Variants in ANK2 observed in about 807,000 individuals in gnomAD.
ANK2 encodes the protein ankyrin 2, also known as ankyrin-2.
Under a neutral mutation model 360.5 loss-of-function variants are expected in ANK2, and 83 were observed. That is an observed-to-expected ratio of 0.23 (90% CI 0.19 to 0.28). The LOEUF (loss-of-function observed/expected upper bound fraction) is 0.28, where lower values mean the gene tolerates loss of function less well. Among genes scored for constraint, ANK2 ranks in the 10% least tolerant of loss-of-function variants. ANK2 has a pLI of 1.00. For synonymous variants in ANK2, 1,740 were observed against 1,759.5 expected (o/e 0.99, Z 0.28); for missense variants, 4,201 against 4,795.7 (o/e 0.88, Z 3.66).
chr4:113,086,802 C>T (rs1159902984), intron 1 of ANK2, among the ~76,000 whole-genome samples: 1 of 152,088 alleles, frequency 6.6e-6, no homozygotes, highest in African/African-American at 2.4e-5. Context: ...AGGGTAAGTC[C>T]ATTCCTGACA....
intron 11 of ANK2, among the ~76,000 whole-genome samples, chr4:113,256,465 G>A (rs569890318): frequency 1.1e-4 from 16 of 152,102 alleles, no homozygotes; most frequent in Non-Finnish European, 1.5e-4. Context: ...AGTGTGTTAC[G>A]GCTTCAGGGA....
the ANK2 span, among the ~76,000 whole-genome samples, chr4:112,795,143 T>C: frequency 1.3e-5 from 2 of 152,180 alleles, no homozygotes; most frequent in Non-Finnish European, 2.9e-5. Context: ...CACTGGACAA[T>C]CCCAGAAGCC....
rs770609178 is a variant in ANK2 at position 113,357,055 on chromosome 4, G to C, written c.8437G>C (p.Ala2813Pro). Residue 2813 changes from alanine (A) to proline (P), a missense_variant, in exon 38 of 46, where the codon GCT becomes CCT. Around this residue, in one of 4 missense-constraint regions of ANK2, gnomAD observed 2,642 missense variants for 2,714.5 expected, o/e 0.97. Transcript: ENST00000357077. The part of the protein sequence containing the change: ...EQPVIYKESL[A>P]LQGTHEKDTE... ...GCCAGTCATCTATAAAGAATCATTA[G>C]CTCTCCAAGGCACTCATGAAAAAGA... The C allele has an allele frequency of 1.9e-6, 3 of 1,613,998 alleles. No individual in the cohort carries two copies. The highest frequency in any genetic ancestry group is 2.2e-5 in the South Asian group (2 of 91,064).
chr4:112,937,900 C>T (rs2093891995), intron 2 of ANK2, among the ~76,000 whole-genome samples: 1 of 152,152 alleles, frequency 6.6e-6, no homozygotes, highest in Admixed American at 6.5e-5. Context: ...CAAGTTATTC[C>T]ATCTTTTTAT....
chr4:112,970,345 CTAAT>C (rs1323047334), intron 2 of ANK2, among the ~76,000 whole-genome samples: 18 of 151,808 alleles, frequency 1.2e-4, no homozygotes, highest in South Asian at 6.3e-4. Context: ...TTCATTTTAA[CTAAT>C]TAATTAATTA....
At chr4:113,297,259 TC>T (rs1274029445) in intron 22 of ANK2, among the ~76,000 whole-genome samples, 2 of 152,160 alleles carry the variant, frequency 1.3e-5, no homozygotes, top group Non-Finnish European at 2.9e-5. Context: ...CATTTTGGCC[TC>T]CCAAAATGAT....
intron 1 of ANK2, among the ~76,000 whole-genome samples, chr4:113,143,725 A>T (rs1446812435): frequency 6.6e-6 from 1 of 152,146 alleles, no homozygotes; most frequent in African/African-American, 2.4e-5. Flanking sequence ...TGGACCACAG[A>T]CCTTCTCCAA....
At chr4:113,276,131 C>T (rs575814199) in intron 15 of ANK2, among the ~76,000 whole-genome samples, 3 of 151,812 alleles carry the variant, frequency 2.0e-5, no homozygotes, top group African/African-American at 4.8e-5. Context: ...TTAGTAGAGA[C>T]GGGGTTTCAC....
intron 1 of ANK2, among the ~76,000 whole-genome samples, chr4:113,141,636 C>T (rs1277394289): frequency 6.6e-6 from 1 of 152,224 alleles, no homozygotes; most frequent in Admixed American, 6.5e-5. Flanking sequence ...CAAAACTTCA[C>T]TTCAGGAGTT....
intron 29 of ANK2, among the ~76,000 whole-genome samples, chr4:113,335,506 C>T (rs28403256): frequency 1.6e-3 from 245 of 152,302 alleles, no homozygotes; most frequent in African/African-American, 5.5e-3. Flanking sequence ...GAATAGAACA[C>T]GTTCATTTCA....
intron 1 of ANK2, among the ~76,000 whole-genome samples, chr4:113,114,598 G>A (rs2094582978): frequency 6.6e-6 from 1 of 152,002 alleles, no homozygotes; most frequent in African/African-American, 2.4e-5. Context: ...TTTAAAAAAT[G>A]TGTAAAAATG....
the ANK2 span, among the ~76,000 whole-genome samples, chr4:112,812,858 T>G: frequency 6.6e-6 from 1 of 152,180 alleles, no homozygotes; most frequent in Admixed American, 6.5e-5. Context: ...TAAGCTCATC[T>G]TATACATTCT....
At chr4:113,325,115 T>C (rs994091410) in intron 26 of ANK2, among the ~76,000 whole-genome samples, 2 of 152,226 alleles carry the variant, frequency 1.3e-5, no homozygotes, top group Non-Finnish European at 2.9e-5. Flanking sequence ...CTTTGCATGA[T>C]TGCTGAATTT....
intron 2 of ANK2, among the ~76,000 whole-genome samples, chr4:112,934,296 C>T (rs1240418114): frequency 6.6e-6 from 1 of 152,134 alleles, no homozygotes; most frequent in Non-Finnish European, 1.5e-5. Flanking sequence ...ACTGCAGAGC[C>T]GTGCTAAGGT....
rs1182264095 is a variant in ANK2, at chr4:113,354,266, C to A, written c.5648C>A (p.Pro1883His). ...SKTEKHSPVS[P>H]STKTERHSPV... Reference sequence around the variant, plus strand: ...ACTGAGAAACACTCACCTGTATCACCCTCGACAAAAACTGAAAGGCACTCT... The same window carrying A: ...ACTGAGAAACACTCACCTGTATCACACTCGACAAAAACTGAAAGGCACTCT... The change falls in exon 38 of 46, where the codon CCC becomes CAC. Residue 1883 changes from proline to histidine, a missense_variant. Physicochemically the swap from Pro to His is moderately conservative, Grantham distance 77 (BLOSUM62 -2). Coordinates refer to ENST00000357077, the MANE Select transcript of ANK2 (RefSeq NM_001148.6). 18 of 1,614,042 alleles carry A rather than the reference C, an allele frequency of 1.1e-5. No homozygotes were observed. The highest frequency in any genetic ancestry group is 1.4e-5 in the Non-Finnish European group (17 of 1,180,010).
chr4:112,846,688 CT>C (rs1363038913), intron 1 of ANK2, among the ~76,000 whole-genome samples: 3 of 152,106 alleles, frequency 2.0e-5, no homozygotes, highest in Non-Finnish European at 4.4e-5. Context: ...CTTTAAGTTT[CT>C]TTTCTTCTTT....
At chr4:113,038,204 A>G (rs546431133) in intron 2 of ANK2, among the ~76,000 whole-genome samples, 1 of 152,162 alleles carries the variant, frequency 6.6e-6, no homozygotes, top group Admixed American at 6.6e-5. Flanking sequence ...GTTCAAAAAA[A>G]GCTGCACTGT....
chr4:112,928,486 G>GGC (rs2092824411), intron 2 of ANK2, among the ~76,000 whole-genome samples: 1 of 152,038 alleles, frequency 6.6e-6, no homozygotes, highest in African/African-American at 2.4e-5. Context: ...TGGCTGAACT[G>GGC]TGTCTTCTCT....
chr4:113,336,049 G>A lies in ANK2; in HGVS notation c.3583G>A (p.Gly1195Ser), dbSNP rs2153959616. The A allele has an allele frequency of 6.2e-7, 1 of 1,613,804 alleles. No homozygotes were observed. The highest frequency in any genetic ancestry group is 8.5e-7 in the Non-Finnish European group (1 of 1,179,958). Residue 1195 changes from glycine (G) to serine (S), a missense_variant, in exon 30 of 46, where the codon GGC (glycine) becomes AGC (serine). Transcript: ENST00000357077. The part of the protein sequence containing the change: ...EGALTKRIRV[G>S]LQAQPMHSEL... ...GGCACTCACCAAGCGGATCCGCGTAGGCCTGCAGGTATGCCCATGTTAGAT... is the reference window on the plus strand; with the variant it reads ...GGCACTCACCAAGCGGATCCGCGTAAGCCTGCAGGTATGCCCATGTTAGAT...
Sources: gnomAD v4.1 joint callset for allele counts (sites outside exome capture counted in the v4.1 genomes callset) on GRCh38, gnomAD v4.1.1 for gene constraint, gnomAD v4.1.1 regional missense constraint, MANE v1.5 for transcripts, NCBI Gene and HGNC (gene_info 2026-07-23, HGNC 2026-07-21) for gene names.